The following METTL8 variants were observed in gnomAD, a reference collection of about 807,000 sequenced individuals.
METTL8 encodes methyltransferase 8, tRNA N3-cytidine, also known as tRNA N(3)-cytidine methyltransferase METTL8, mitochondrial.
A neutral mutation model predicts 48.7 loss-of-function variants in METTL8; 32 were observed. That is an observed-to-expected ratio of 0.66 (90% confidence interval 0.50 to 0.88). METTL8 has a LOEUF of 0.88. Ranked by LOEUF, METTL8 falls within the 40% of genes least tolerant of loss-of-function variation. The pLI is 0.00. For missense variants in METTL8, 464 were observed against 474.4 expected (o/e 0.98, Z 0.20); for synonymous variants, 136 against 157.1 (o/e 0.87, Z 1.01).
intron 1 of METTL8, among the ~76,000 whole-genome samples, chr2:171,422,682 A>G (rs1421831767): frequency 6.6e-6 from 1 of 152,236 alleles, no homozygotes; most frequent in Non-Finnish European, 1.5e-5. Context: ...ACAAGAATGA[A>G]AACAGGAATG....
At chr2:171,382,787 T>C (rs192542060) in intron 2 of METTL8, among the ~76,000 whole-genome samples, 209 of 151,492 alleles carry the variant, frequency 1.4e-3, no homozygotes, top group African/African-American at 4.9e-3. Context: ...AAAACACACA[T>C]CTGGGCCAGA....
rs1004637679 is a variant in METTL8, at chr2:171,425,699, G to A, written c.-13+8184C>T. Among the ~76,000 whole-genome samples, 5 of 152,198 alleles carry A rather than the reference G, an allele frequency of 3.3e-5. No individual in the cohort carries two copies. In the South Asian group the frequency reaches 6.2e-4, roughly 19 times the overall value. ...GATCCTGAGCAGAGAATTAGGTTAT[G>A]CTGTTTTAGGACTTCTACAAGAATT... On this transcript the variant is annotated intron_variant, in intron 1 of 9. Coordinates refer to ENST00000375258, the MANE Select transcript of METTL8 (RefSeq NM_001321154.2).
intron 3 of METTL8, among the ~76,000 whole-genome samples, chr2:171,343,950 A>G (rs2105431261): frequency 6.6e-6 from 1 of 152,338 alleles, no homozygotes; most frequent in East Asian, 1.9e-4. Flanking sequence ...TGGTTCAGAA[A>G]CCAAACATGT....
intron 3 of METTL8, among the ~76,000 whole-genome samples, chr2:171,346,108 A>T (rs143085471): frequency 1.5e-4 from 23 of 152,304 alleles, no homozygotes; most frequent in African/African-American, 4.8e-4. Context: ...AGCTCAGTGC[A>T]GCCTTGACCT....
chr2:171,398,945 C>G (rs1689380681), intron 1 of METTL8, among the ~76,000 whole-genome samples: 1 of 152,126 alleles, frequency 6.6e-6, no homozygotes, highest in Non-Finnish European at 1.5e-5. Context: ...AAAATTTCCA[C>G]AAATCCTGAT....
At chr2:171,372,487 TA>T (rs1686463971) in intron 2 of METTL8, among the ~76,000 whole-genome samples, 1 of 151,964 alleles carries the variant, frequency 6.6e-6, no homozygotes, top group Non-Finnish European at 1.5e-5. Context: ...TTTTTATTAT[TA>T]TTATTATTAT....
chr2:171,416,776 G>A (rs1486325515), intron 1 of METTL8, among the ~76,000 whole-genome samples: 1 of 152,216 alleles, frequency 6.6e-6, no homozygotes, highest in Non-Finnish European at 1.5e-5. Context: ...TGAGGCTCGA[G>A]CACTTGGTCA....
At chr2:171,395,794 C>G (rs1000480594) in intron 1 of METTL8, among the ~76,000 whole-genome samples, 1 of 152,070 alleles carries the variant, frequency 6.6e-6, no homozygotes, top group African/African-American at 2.4e-5. Flanking sequence ...AAATAACCAG[C>G]GACAAGCTAT....
chr2:171,344,331 C>T (rs1687064895), intron 3 of METTL8, among the ~76,000 whole-genome samples: 1 of 152,158 alleles, frequency 6.6e-6, no homozygotes, highest in Admixed American at 6.5e-5. Context: ...CAAGACCTAG[C>T]CTAAGTCTGC....
intron 1 of METTL8, among the ~76,000 whole-genome samples, chr2:171,420,161 G>A (rs1307477005): frequency 6.6e-6 from 1 of 152,032 alleles, no homozygotes; most frequent in Non-Finnish European, 1.5e-5. Flanking sequence ...GACCAGCCTA[G>A]GCAATGTGGT....
At chr2:171,384,858 A>G (rs1395544584) in intron 2 of METTL8, among the ~76,000 whole-genome samples, 1 of 152,170 alleles carries the variant, frequency 6.6e-6, no homozygotes, top group Non-Finnish European at 1.5e-5. Context: ...TAAAGTAAGT[A>G]AATAAGTAAA....
chr2:171,370,049 CAGAG>C (rs1686152107), intron 2 of METTL8, among the ~76,000 whole-genome samples: 1 of 146,732 alleles, frequency 6.8e-6, no homozygotes, highest in South Asian at 2.2e-4. Context: ...CTGGGCAACA[CAGAG>C]AGACTCCATC....
intron 2 of METTL8, among the ~76,000 whole-genome samples, chr2:171,371,970 T>C (rs1686408090): frequency 1.3e-5 from 2 of 151,974 alleles, no homozygotes; most frequent in South Asian, 2.1e-4. Flanking sequence ...ATTACAGGCA[T>C]GAGTGAGCCA....
chr2:171,410,015 A>C (rs949561872), intron 1 of METTL8, among the ~76,000 whole-genome samples: 22 of 152,356 alleles, frequency 1.4e-4, no homozygotes, highest in African/African-American at 4.8e-4. Context: ...AAATCAATAA[A>C]TTTAAGAAAG....
chr2:171,331,772 A>T, intron 6 of METTL8, 32 bp downstream of exon 6: 1 of 1,532,654 alleles, frequency 6.5e-7, no homozygotes. Context: ...TACCTTAGGC[A>T]TCAGTTGGTA....
intron 3 of METTL8, among the ~76,000 whole-genome samples, chr2:171,345,166 T>G (rs929670533): frequency 3.3e-5 from 5 of 152,198 alleles, no homozygotes; most frequent in African/African-American, 1.2e-4. Context: ...TACAGCCCAA[T>G]GAAGCAACTT....
intron 3 of METTL8, among the ~76,000 whole-genome samples, chr2:171,359,617 C>T (rs554672952): frequency 7.3e-5 from 11 of 150,892 alleles, no homozygotes; most frequent in Admixed American, 4.0e-4. Context: ...TCAACATTTC[C>T]GGTTTTTTTT....
At chr2:171,393,720 T>C (rs1018733762) in intron 1 of METTL8, among the ~76,000 whole-genome samples, 16 of 152,190 alleles carry the variant, frequency 1.1e-4, no homozygotes, top group African/African-American at 3.6e-4. Context: ...GTGTATGTAA[T>C]ATGCATCACA....
chr2:171,412,431 A>G (rs1401901356), intron 1 of METTL8, among the ~76,000 whole-genome samples: 1 of 152,198 alleles, frequency 6.6e-6, no homozygotes. Flanking sequence ...TTGGTCACAA[A>G]CTATTCCCAA....
Sources: gnomAD v4.1 joint callset for allele counts (sites outside exome capture counted in the v4.1 genomes callset) on GRCh38, gnomAD v4.1.1 for gene constraint, MANE v1.5 for transcripts, NCBI Gene and HGNC (gene_info 2026-07-23, HGNC 2026-07-21) for gene names.